Variants in PREX2 observed in about 807,000 individuals in gnomAD.
The protein encoded by PREX2 is phosphatidylinositol 3,4,5-trisphosphate-dependent Rac exchanger 2 protein.
PREX2 carries 107 observed loss-of-function variants against 203.2 expected under a neutral mutation model. That is an observed-to-expected ratio of 0.53 (90% CI 0.45 to 0.62). The LOEUF (loss-of-function observed/expected upper bound fraction) is 0.62. PREX2 is among the 20% of genes least tolerant of loss of function. The pLI, the probability that PREX2 is intolerant of heterozygous loss-of-function variation, is 0.00. For missense variants in PREX2, 1,777 were observed against 1,955.9 expected (o/e 0.91, Z 1.72); for synonymous variants, 672 against 663.6 (o/e 1.01, Z -0.19).
intron 6 of PREX2, among the ~76,000 whole-genome samples, chr8:68,031,743 G>A (rs1807888428): frequency 6.6e-6 from 1 of 152,184 alleles, no homozygotes; most frequent in African/African-American, 2.4e-5. Context: ...AAATGGTTGT[G>A]TGTTTTACAG....
chr8:68,061,002 TTAGAAAA>T (rs1407010255), intron 11 of PREX2, among the ~76,000 whole-genome samples: 2 of 152,064 alleles, frequency 1.3e-5, no homozygotes, highest in Non-Finnish European at 2.9e-5. Context: ...CAGGCAAGTG[TTAGAAAA>T]TAGAGAAGTG....
intron 35 of PREX2, among the ~76,000 whole-genome samples, chr8:68,181,890 G>T (rs1160912878): frequency 6.6e-6 from 1 of 152,018 alleles, no homozygotes; most frequent in Non-Finnish European, 1.5e-5. Context: ...AGGTACTTAT[G>T]GTTTAGTGGG....
intron 35 of PREX2, among the ~76,000 whole-genome samples, chr8:68,191,195 G>T (rs1032326819): frequency 1.3e-5 from 2 of 152,140 alleles, no homozygotes; most frequent in Non-Finnish European, 2.9e-5. Flanking sequence ...TCTAATCGGA[G>T]CATAACTTGG....
chr8:67,978,479 A>G (rs1364178063), intron 1 of PREX2, among the ~76,000 whole-genome samples: 1 of 152,140 alleles, frequency 6.6e-6, no homozygotes, highest in East Asian at 1.9e-4. Context: ...TATATAATCC[A>G]TTATATACTC....
Position 68,024,873 on chromosome 8 carries a change from G to A in PREX2, c.442-2349G>A, listed in dbSNP as rs146187438. Among the ~76,000 whole-genome samples, 883 of 151,992 alleles carry A rather than the reference G, an allele frequency of 5.8e-3. 7 individuals are homozygous for A. Among genetic ancestry groups the A allele is most frequent in the African/African-American group, 0.02 (839 of 41,484 alleles). ...CATATCAAATCCATATTAGGTTAAT[G>A]CTGACCTAATTCCAGTTAAAAGTAG... On this transcript the variant is annotated intron_variant, in intron 4 of 39. Transcript: ENST00000288368.
intron 18 of PREX2, among the ~76,000 whole-genome samples, chr8:68,087,497 A>G (rs1248671883): frequency 2.0e-5 from 3 of 152,114 alleles, no homozygotes; most frequent in South Asian, 2.1e-4. Context: ...CTACACTCCA[A>G]TGTTCCTTTT....
At chr8:68,157,773 G>A (rs1031118284) in intron 35 of PREX2, among the ~76,000 whole-genome samples, 3 of 151,776 alleles carry the variant, frequency 2.0e-5, no homozygotes, top group Non-Finnish European at 4.4e-5. Context: ...TTGGATTAAG[G>A]GTAAAACAGG....
At chr8:68,016,242 A>G (rs992466986) in intron 1 of PREX2, among the ~76,000 whole-genome samples, 1 of 152,148 alleles carries the variant, frequency 6.6e-6, no homozygotes, top group African/African-American at 2.4e-5. Flanking sequence ...TTTTTTCAAC[A>G]TTAGCACACA....
chr8:68,067,823 A>T (rs1809065689), intron 11 of PREX2, among the ~76,000 whole-genome samples: 1 of 152,060 alleles, frequency 6.6e-6, no homozygotes, highest in Non-Finnish European at 1.5e-5. Flanking sequence ...GCTTTTGACC[A>T]TTGAGTATTA....
intron 1 of PREX2, among the ~76,000 whole-genome samples, chr8:67,979,263 T>C (rs1027451648): frequency 1.3e-5 from 2 of 152,216 alleles, no homozygotes; most frequent in African/African-American, 4.8e-5. Flanking sequence ...ACTATTCTTC[T>C]TTTGTTGAGT....
intron 35 of PREX2, among the ~76,000 whole-genome samples, chr8:68,168,756 T>C (rs1396229103): frequency 6.6e-6 from 1 of 152,214 alleles, no homozygotes; most frequent in Non-Finnish European, 1.5e-5. Context: ...CACTGACCAA[T>C]TCTTTATAGG....
chr8:68,058,208 A>G (rs1247995307), intron 10 of PREX2, among the ~76,000 whole-genome samples: 1 of 152,064 alleles, frequency 6.6e-6, no homozygotes, highest in Non-Finnish European at 1.5e-5. Context: ...TCTTAAAAAT[A>G]TTTCCAATTT....
intron 11 of PREX2, among the ~76,000 whole-genome samples, chr8:68,065,542 C>T (rs1394750518): frequency 6.6e-6 from 1 of 152,108 alleles, no homozygotes; most frequent in Non-Finnish European, 1.5e-5. Context: ...AGAGCTGAAA[C>T]TTCACATATG....
chr8:68,167,727 T>C (rs1194289085), intron 35 of PREX2, among the ~76,000 whole-genome samples: 1 of 152,196 alleles, frequency 6.6e-6, no homozygotes, highest in Non-Finnish European at 1.5e-5. Flanking sequence ...CTACTCTTGG[T>C]GTAAATCAAT....
chr8:68,052,162 A>G (rs906396620), intron 8 of PREX2, among the ~76,000 whole-genome samples: 1 of 152,146 alleles, frequency 6.6e-6, no homozygotes, highest in African/African-American at 2.4e-5. Flanking sequence ...CTTGTGGCTT[A>G]CCTCCTCAAC....
chr8:68,076,388 C>T (rs1484791957), intron 14 of PREX2, among the ~76,000 whole-genome samples: 3 of 151,958 alleles, frequency 2.0e-5, no homozygotes, highest in Admixed American at 1.3e-4. Flanking sequence ...ACCAGGGAGG[C>T]GGACGTTGCG....
At chr8:68,020,466 G>A (rs1041985407) in intron 3 of PREX2, among the ~76,000 whole-genome samples, 3 of 152,016 alleles carry the variant, frequency 2.0e-5, no homozygotes, top group South Asian at 2.1e-4. Flanking sequence ...ATGTGTAAGC[G>A]TATTTAGTGA....
intron 23 of PREX2, among the ~76,000 whole-genome samples, chr8:68,102,204 T>C (rs772305798): frequency 2.5e-4 from 38 of 152,198 alleles, no homozygotes; most frequent in Non-Finnish European, 4.6e-4. Context: ...ATCCTGCCTC[T>C]TTCTTCGGGA....
intron 18 of PREX2, among the ~76,000 whole-genome samples, chr8:68,084,403 T>G (rs927313342): frequency 1.3e-5 from 2 of 152,258 alleles, no homozygotes; most frequent in Admixed American, 6.5e-5. Flanking sequence ...TTAAATATAT[T>G]TTAATATGTA....
Sources: gnomAD v4.1 joint callset for allele counts (sites outside exome capture counted in the v4.1 genomes callset) on GRCh38, gnomAD v4.1.1 for gene constraint, MANE v1.5 for transcripts, NCBI Gene and HGNC (gene_info 2026-07-23, HGNC 2026-07-21) for gene names.